Variants in OLFML1 observed in about 807,000 individuals in gnomAD.
OLFML1 encodes the protein olfactomedin-like protein 1.
OLFML1 carries 33 observed loss-of-function variants against 37.3 expected under a neutral mutation model. That is an observed-to-expected ratio of 0.88 (90% CI 0.67 to 1.18). The LOEUF is 1.18. Ranked by LOEUF, OLFML1 falls within the 50% of genes most tolerant of loss-of-function variation. The pLI, the probability that OLFML1 is intolerant of heterozygous loss-of-function variation, is 0.00. For synonymous variants in OLFML1, 186 were observed against 181.3 expected (o/e 1.03, Z -0.21); for missense variants, 545 against 483.7 (o/e 1.13, Z -1.19).
chr11:7,505,215 T>A (rs906322912), intron 2 of OLFML1, among the ~76,000 whole-genome samples: 1 of 151,886 alleles, frequency 6.6e-6, no homozygotes, highest in African/African-American at 2.4e-5. Context: ...CTTACAGGTG[T>A]GAGCCACGGT....
intron 2 of OLFML1, among the ~76,000 whole-genome samples, chr11:7,507,581 G>C (rs900319679): frequency 6.7e-6 from 1 of 148,646 alleles, no homozygotes; most frequent in Non-Finnish European, 1.5e-5. Flanking sequence ...ATGGAGTCTC[G>C]TTCTGTTGCC....
At chr11:7,500,496 G>C (rs1848707754) in intron 2 of OLFML1, among the ~76,000 whole-genome samples, 2 of 152,252 alleles carry the variant, frequency 1.3e-5, no homozygotes, top group South Asian at 4.1e-4. Context: ...CTGCCTCCCA[G>C]CTCAGACTGA....
chr11:7,487,495 A>G (rs938899283), intron 1 of OLFML1, among the ~76,000 whole-genome samples: 3 of 152,258 alleles, frequency 2.0e-5, no homozygotes, highest in African/African-American at 7.2e-5. Context: ...TCTTTGACCA[A>G]GCAATCCCAT....
chr11:7,505,931 G>A (rs1462388941), intron 2 of OLFML1, among the ~76,000 whole-genome samples: 1 of 152,208 alleles, frequency 6.6e-6, no homozygotes, highest in Non-Finnish European at 1.5e-5. Flanking sequence ...AATCTTCAAG[G>A]AGGAAGAACT....
At position 7,509,454 on chromosome 11, in the gene OLFML1, G is replaced by A. The variant is rs1264303225; in HGVS notation, c.475G>A (p.Asp159Asn). 6.2e-7 allele frequency: 1 copy of A among 1,613,882 alleles called. No individual in the cohort carries two copies. The highest frequency in any genetic ancestry group is 1.7e-5 in the Admixed American group (1 of 60,020). ...TTTGAAAATAGTGAAGAAGATGATG[G>A]ACACACATGGCTCTTGGATGAAAGA... ...KSLKIVKKMM[D>N]THGSWMKDAV... Residue 159 changes from aspartate (D) to asparagine (N), a missense_variant, in exon 3 of 3, where the codon GAC (aspartate) becomes AAC (asparagine). Transcript: ENST00000329293.
intron 2 of OLFML1, among the ~76,000 whole-genome samples, chr11:7,493,156 A>G (rs984876593): frequency 2.6e-5 from 4 of 152,190 alleles, no homozygotes; most frequent in African/African-American, 9.7e-5. Flanking sequence ...TTTTATTGCA[A>G]GGGTGCACAA....
At chr11:7,502,193 G>A (rs763813050) in intron 2 of OLFML1, among the ~76,000 whole-genome samples, 2 of 152,160 alleles carry the variant, frequency 1.3e-5, no homozygotes, top group South Asian at 2.1e-4. Context: ...CAAGAGCCCC[G>A]AGGCAGAAAC....
intron 2 of OLFML1, among the ~76,000 whole-genome samples, chr11:7,499,713 G>T (rs552298187): frequency 6.6e-6 from 1 of 152,236 alleles, no homozygotes; most frequent in South Asian, 2.1e-4. Context: ...GGGGAATTCT[G>T]TTTCTTTTTT....
intron 2 of OLFML1, among the ~76,000 whole-genome samples, chr11:7,497,871 T>C (rs969631163): frequency 2.0e-5 from 3 of 152,212 alleles, no homozygotes; most frequent in Non-Finnish European, 4.4e-5. Flanking sequence ...CCTGGGTTCA[T>C]AGCCCTTCTG....
intron 2 of OLFML1, among the ~76,000 whole-genome samples, chr11:7,503,108 G>A (rs970721681): frequency 2.0e-5 from 3 of 152,148 alleles, no homozygotes; most frequent in African/African-American, 7.2e-5. Context: ...TCCAAGTAGG[G>A]ACATTGAGTA....
At chr11:7,503,766 T>C (rs1368547119) in intron 2 of OLFML1, among the ~76,000 whole-genome samples, 1 of 151,816 alleles carries the variant, frequency 6.6e-6, no homozygotes, top group Non-Finnish European at 1.5e-5. Flanking sequence ...CTTGAGTAGG[T>C]GAAAGGGGAA....
At chr11:7,491,246 T>C (rs778066133) in intron 2 of OLFML1, among the ~76,000 whole-genome samples, 19 of 152,122 alleles carry the variant, frequency 1.2e-4, no homozygotes, top group Non-Finnish European at 2.2e-4. Context: ...GCCAGGCAGA[T>C]TGGCCTATAA....
At chr11:7,492,914 T>C (rs1178393041) in intron 2 of OLFML1, among the ~76,000 whole-genome samples, 2 of 152,184 alleles carry the variant, frequency 1.3e-5, no homozygotes, top group Non-Finnish European at 2.9e-5. Context: ...TGACAAAGAA[T>C]CATTCCCTCA....
Position 7,509,810 on chromosome 11 carries a change from T to C in OLFML1, c.831T>C (p.His277=), listed in dbSNP as rs758312165. ...ACATTGACCTGGCTGTGGATGAGCA[T>C]GGGCTCTGGGCCATCCACTCTGGGC... ...STYIDLAVDE[H]GLWAIHSGPG... Residue 277 remains histidine, a synonymous_variant, in exon 3 of 3, where the codon CAT becomes CAC. Coordinates refer to ENST00000329293, the MANE Select transcript of OLFML1 (RefSeq NM_198474.4). The C allele has an allele frequency of 1.5e-5, 25 of 1,614,136 alleles. No homozygotes were observed. Among genetic ancestry groups the C allele is most frequent in the Admixed American group, 5.0e-5 (3 of 60,014 alleles).
chr11:7,496,149 G>A (rs920626369), intron 2 of OLFML1, among the ~76,000 whole-genome samples: 1 of 152,230 alleles, frequency 6.6e-6, no homozygotes, highest in Non-Finnish European at 1.5e-5. Context: ...GGGGTGACTG[G>A]GTTGTCCTCT....
Position 7,488,163 on chromosome 11 carries a change from T to C in OLFML1, c.166T>C (p.Tyr56His). ...LEKCTQATRA[Y>H]IQEFQEFSKN... ...AAAATGTACCCAAGCAACGAGGGCA[T>C]ACATTCAAGAATTCCAAGAGTTCTC... The change falls in exon 2 of 3, where the codon TAC (tyrosine) becomes CAC (histidine). Residue 56 changes from tyrosine to histidine, a missense_variant. Coordinates refer to ENST00000329293, the MANE Select transcript of OLFML1 (RefSeq NM_198474.4). 1 of 1,613,230 alleles carries C rather than the reference T, an allele frequency of 6.2e-7. No homozygotes were observed. The highest frequency in any genetic ancestry group is 8.5e-7 in the Non-Finnish European group (1 of 1,179,436).
intron 2 of OLFML1, among the ~76,000 whole-genome samples, chr11:7,490,735 G>C (rs1229915513): frequency 6.6e-6 from 1 of 152,144 alleles, no homozygotes; most frequent in African/African-American, 2.4e-5. Flanking sequence ...TTGTAAATCA[G>C]CCAATACTTG....
intron 2 of OLFML1, among the ~76,000 whole-genome samples, chr11:7,492,291 C>T (rs1848608290): frequency 6.6e-6 from 1 of 152,160 alleles, no homozygotes; most frequent in African/African-American, 2.4e-5. Context: ...CCATTAAAAT[C>T]CTGAAGACTC....
intron 2 of OLFML1, chr11:7,488,635 C>A (rs12805539): frequency 0.23 from 87,254 of 385,134 alleles, 10,366 homozygotes; most frequent in Non-Finnish European, 0.25. Context: ...GTGCCTAAAG[C>A]CTCCATAGAT....
Sources: gnomAD v4.1 joint callset for allele counts (sites outside exome capture counted in the v4.1 genomes callset) on GRCh38, gnomAD v4.1.1 for gene constraint, MANE v1.5 for transcripts, NCBI Gene and HGNC (gene_info 2026-07-23, HGNC 2026-07-21) for gene names.